The following CD70 variants were observed in gnomAD, a reference collection of about 807,000 sequenced individuals.
CD70 encodes the protein CD70 molecule, also known as CD70 antigen.
A neutral mutation model predicts 9.0 loss-of-function variants in CD70; 6 were observed. The ratio of observed to expected loss-of-function variants is 0.67; its 90% CI spans 0.37 to 1.32. The LOEUF (loss-of-function observed/expected upper bound fraction) is 1.32. Among genes scored for constraint, CD70 ranks in the 40% most tolerant of loss-of-function variants. The pLI is 0.02. For synonymous variants in CD70, 108 were observed against 112.3 expected, an observed-to-expected ratio of 0.96 and a Z score of 0.24; for missense variants, 235 against 258.7, an observed-to-expected ratio of 0.91 and a Z score of 0.63.
chr19:6,583,544 A>C, downstream of CD70: 1 of 508,566 alleles, frequency 2.0e-6, no homozygotes, highest in Non-Finnish European at 3.5e-6. Flanking sequence ...ACTTTTTGTT[A>C]ATTGTAGTCT....
chr19:6,584,236 G>A (rs1303969190), downstream of CD70, among the ~76,000 whole-genome samples: 2 of 151,480 alleles, frequency 1.3e-5, no homozygotes, highest in African/African-American at 2.4e-5. Context: ...AGCGCTAGGC[G>A]CGGTGGCTCA....
intron 2 of CD70, among the ~76,000 whole-genome samples, chr19:6,587,070 G>C (rs1211933008): frequency 6.6e-6 from 1 of 151,190 alleles, no homozygotes; most frequent in Non-Finnish European, 1.5e-5. Context: ...GAGAGCATGA[G>C]AGAGCGAGAG....
rs1262872569 is a variant in CD70, at chr19:6,590,212, C to T, written c.163-76G>A. The T allele has an allele frequency of 8.6e-7, 1 of 1,159,284 alleles. No homozygotes were observed. Among genetic ancestry groups the T allele is most frequent in the Non-Finnish European group, 1.3e-6 (1 of 764,570 alleles). 71.8% of individuals were successfully genotyped at this position (1,159,284 alleles called of 1,614,324 possible). The stretch of plus-strand genomic sequence containing the variant: ...ATGTGTCCCCTGTGCCAGGAGCTCT[C>T]TTTTCTCTGTCCATCCTCCTTTCCA... On this transcript the variant is annotated intron_variant, in intron 1 of 2. Coordinates refer to ENST00000245903, the MANE Select transcript of CD70 (RefSeq NM_001252.5). This position sits in a 1 kb window ranked among gnomAD's most constrained non-coding sequence, Gnocchi z 5.3.
rs749661804 is a variant in CD70, at chr19:6,590,076, C to T, written c.196+27G>A. ...TTCTCTCTCTGTGCCTCTTCTTCTC[C>T]CCGTCCCTCCACGTCCCCCGTGTTA... is the stretch of plus-strand genomic sequence containing the variant. On this transcript the variant is annotated intron_variant, in intron 2 of 2. Transcript: ENST00000245903. This position sits in a 1 kb window ranked among gnomAD's most constrained non-coding sequence, Gnocchi z 5.3. The T allele has an allele frequency of 3.1e-6, 5 of 1,603,414 alleles. No individual in the cohort carries two copies. The South Asian group carries it at 5.5e-5, about 18-fold the overall frequency.
Position 6,590,837 on chromosome 19 carries a change from T to A in CD70, c.162+4A>T. 6.2e-7 allele frequency: 1 copy of A among 1,610,118 alleles called. No individual in the cohort carries two copies. The highest frequency in any genetic ancestry group is 8.5e-7 in the Non-Finnish European group (1 of 1,178,214). ...TTCTTCCCAACTTTTCCATCTCAAC[T>A]CACCCCAAGTGACTCGAGCGGCAGC... On this transcript the variant is annotated splice_donor_region_variant and intron_variant, in intron 1 of 2. Transcript: ENST00000245903. This position sits in a 1 kb window ranked among gnomAD's most constrained non-coding sequence, Gnocchi z 5.3.
intron 2 of CD70, among the ~76,000 whole-genome samples, chr19:6,587,253 A>T (rs62654154): frequency 0.27 from 38,796 of 145,864 alleles, 5,496 homozygotes; most frequent in East Asian, 0.64. Flanking sequence ...CTTGAGGGAG[A>T]GTGCACGAGA....
chr19:6,587,323 CAA>C (rs1916048856), intron 2 of CD70, among the ~76,000 whole-genome samples: 1 of 147,410 alleles, frequency 6.8e-6, no homozygotes, highest in African/African-American at 2.5e-5. Flanking sequence ...AGAGAGAGAG[CAA>C]GAGAGAGAGT....
At chr19:6,585,665 C>T (rs562682843), downstream of CD70, among the ~76,000 whole-genome samples, 4 of 146,640 alleles carry the variant, frequency 2.7e-5, no homozygotes, top group Admixed American at 2.7e-4. Context: ...CTTCAAACAT[C>T]CCTAACCAAG....
Position 6,586,083 on chromosome 19 carries a change from C to T in CD70, c.519G>A (p.Gly173=), listed in dbSNP as rs983634113. 6.2e-7 allele frequency: 1 copy of T among 1,614,068 alleles called. No individual in the cohort carries two copies. The highest frequency in any genetic ancestry group is 8.5e-7 in the Non-Finnish European group (1 of 1,179,926). ...RGDTLCTNLT[G]TLLPSRNTDE... ...CAGTGTTTCGGGAAGGCAAAAGTGT[C>T]CCAGTGAGGTTGGTGCAGAGTGTGT... Residue 173 remains glycine (G), a synonymous_variant, in exon 3 of 3, where the codon GGG becomes GGA. Transcript: ENST00000245903.
chr19:6,583,010 T>A (rs1224695905), downstream of CD70, among the ~76,000 whole-genome samples: 1 of 152,018 alleles, frequency 6.6e-6, no homozygotes, highest in Non-Finnish European at 1.5e-5. Context: ...TGGTTCTGAG[T>A]CCAGGTAAGG....
At chr19:6,584,241 G>A (rs1364887558), downstream of CD70, among the ~76,000 whole-genome samples, 1 of 151,294 alleles carries the variant, frequency 6.6e-6, no homozygotes, top group East Asian at 2.0e-4. Context: ...TAGGCGCGGT[G>A]GCTCACAACT....
chr19:6,584,174 A>T (rs1460856061), downstream of CD70, among the ~76,000 whole-genome samples: 3 of 147,430 alleles, frequency 2.0e-5, no homozygotes, highest in South Asian at 6.5e-4. Flanking sequence ...GTGGTGTTTG[A>T]TTACAAAATG....
chr19:6,583,367 A>G (rs1159150867), downstream of CD70: 2 of 701,828 alleles, frequency 2.8e-6, no homozygotes, highest in African/African-American at 1.7e-5. Context: ...CCAGCTTTGT[A>G]GGGCTTGCAT....
chr19:6,583,170 A>C (rs913838920), downstream of CD70: 7 of 463,364 alleles, frequency 1.5e-5, no homozygotes, highest in Admixed American at 2.3e-4. Context: ...TCTGGCTTGG[A>C]ATCCTGAGTC....
rs147009720 is a variant in CD70 at position 6,586,092 on chromosome 19, G to T, written c.510C>A (p.Asn170Lys). 1.2e-5 allele frequency: 20 copies of T among 1,613,994 alleles called. No homozygotes were observed. Among genetic ancestry groups the T allele is most frequent in the Non-Finnish European group, 1.6e-5 (19 of 1,179,954 alleles). The change falls in exon 3 of 3, where the codon AAC (asparagine) becomes AAA (lysine). Residue 170 changes from asparagine to lysine, a missense_variant. Physicochemically the swap from Asn to Lys is moderately conservative, Grantham distance 94. Transcript: ENST00000245903. Reference protein sequence around the residue: ...PLARGDTLCTNLTGTLLPSRN... With the variant: ...PLARGDTLCTKLTGTLLPSRN... Reference sequence around the variant, plus strand: ...GGGAAGGCAAAAGTGTCCCAGTGAGGTTGGTGCAGAGTGTGTCCCCTCGGG... The same window carrying T: ...GGGAAGGCAAAAGTGTCCCAGTGAGTTTGGTGCAGAGTGTGTCCCCTCGGG...
Position 6,585,984 on chromosome 19 carries a change from A to C in CD70, c.*36T>G. 2 of 1,485,614 alleles carry C rather than the reference A, an allele frequency of 1.3e-6. No homozygotes were observed. Among genetic ancestry groups the C allele is most frequent in the South Asian group, 1.3e-5 (1 of 75,800 alleles). The allele number at this position is 1,485,614 out of a possible 1,614,324, so 92.0% of individuals were successfully genotyped here. A position where few individuals can be genotyped will look rare whatever the true frequency, so the allele number is the denominator to read the frequency against. ...TTTTCTCTTGAACTTAAATAAAATA[A>C]AATAAAATTTAAAAAACCCTAATCA... On this transcript the variant is annotated 3_prime_UTR_variant, in exon 3 of 3. Coordinates refer to ENST00000245903, the MANE Select transcript of CD70 (RefSeq NM_001252.5).
chr19:6,587,540 G>A (rs890428865), intron 2 of CD70, among the ~76,000 whole-genome samples: 17 of 152,114 alleles, frequency 1.1e-4, no homozygotes, highest in Non-Finnish European at 2.5e-4. Flanking sequence ...GAGACAGCGC[G>A]CAAGAGAGTG....
At chr19:6,582,684 G>C (rs996767364), downstream of CD70, among the ~76,000 whole-genome samples, 4 of 152,086 alleles carry the variant, frequency 2.6e-5, no homozygotes, top group African/African-American at 9.7e-5. Context: ...CCCTATGAAG[G>C]ACATGAACTC....
chr19:6,586,554 T>C (rs1304031911), intron 2 of CD70, 149 bp from the exon 3 acceptor site: 1 of 883,224 alleles, frequency 1.1e-6, no homozygotes, highest in Non-Finnish European at 1.7e-6. Context: ...ATCCTAACAG[T>C]TTAGGAGGCC....
Sources: allele counts gnomAD v4.1 joint callset (sites outside exome capture counted in the v4.1 genomes callset), GRCh38; gene constraint gnomAD v4.1.1; non-coding constraint Gnocchi (gnomAD v3.1); transcripts MANE v1.5; gene names NCBI Gene and HGNC (gene_info 2026-07-23, HGNC 2026-07-21).